Variants in CSMD3 observed in about 807,000 individuals in gnomAD.
CSMD3 encodes CUB and Sushi multiple domains 3.
A neutral mutation model predicts 435.2 loss-of-function variants in CSMD3; 177 were observed. The observed-to-expected ratio is 0.41, with a 90% CI of 0.36 to 0.46. CSMD3 has a LOEUF of 0.46. Among genes scored for constraint, CSMD3 ranks in the 20% least tolerant of loss-of-function variants. CSMD3 has a pLI of 0.34. For synonymous variants in CSMD3, 1,656 were observed against 1,520.5 expected (o/e 1.09, Z -2.07); for missense variants, 4,265 against 4,504.6 (o/e 0.95, Z 1.52).
chr8:113,371,488 C>T (rs1260937331), intron 1 of CSMD3, among the ~76,000 whole-genome samples: 1 of 152,052 alleles, frequency 6.6e-6, no homozygotes, highest in East Asian at 1.9e-4. Context: ...TACATTTTTG[C>T]TTGTTCTCTC....
rs542984232 is a variant in CSMD3, at chr8:112,223,291, T to C, written c.*1480A>G. 8 of 368,850 alleles carry C rather than the reference T, an allele frequency of 2.2e-5. No individual in the cohort carries two copies. The East Asian group carries it at 2.6e-4, about 12-fold the overall frequency. 22.8% of individuals were successfully genotyped at this position (368,850 alleles called of 1,614,324 possible). ...AGAAATTCATTAAATGTTGTAGAGA[T>C]AGAGCCAAGCAGCGCTCCCAGGTGC... On this transcript the variant is annotated 3_prime_UTR_variant, in exon 71 of 71. Coordinates refer to ENST00000297405, the MANE Select transcript of CSMD3 (RefSeq NM_198123.2).
chr8:112,379,037 G>A (rs1014153224), intron 38 of CSMD3, among the ~76,000 whole-genome samples: 4 of 151,944 alleles, frequency 2.6e-5, no homozygotes, highest in African/African-American at 9.7e-5. Flanking sequence ...CAAAGAATCA[G>A]TTGTAATTTC....
At chr8:113,074,462 C>T (rs2089259511) in intron 5 of CSMD3, among the ~76,000 whole-genome samples, 1 of 151,820 alleles carries the variant, frequency 6.6e-6, no homozygotes, top group South Asian at 2.1e-4. Flanking sequence ...ACAGACCTTT[C>T]TACCAGGTTT....
rs1429588810 is a variant in CSMD3 at position 113,021,236 on chromosome 8, T to A, written c.918-2057A>T. ...TTAACAAAAATATATAATATAATTGTATAATTTTAGACTCAAGTTTTAAAA... is the reference window on the plus strand; with the variant it reads ...TTAACAAAAATATATAATATAATTGAATAATTTTAGACTCAAGTTTTAAAA... On this transcript the variant is annotated intron_variant, in intron 5 of 70. Transcript: ENST00000297405. Among the ~76,000 whole-genome samples the A allele has an allele frequency of 2.0e-5, 3 of 152,184 alleles. 1 individual carries two copies. The highest frequency in any genetic ancestry group is 4.4e-5 in the Non-Finnish European group (3 of 68,026).
intron 3 of CSMD3, among the ~76,000 whole-genome samples, chr8:113,269,459 C>G (rs531298975): frequency 3.0e-4 from 45 of 152,104 alleles, no homozygotes; most frequent in Non-Finnish European, 5.6e-4. Flanking sequence ...GAAAAAACGA[C>G]ATTACAGTTC....
intron 1 of CSMD3, among the ~76,000 whole-genome samples, chr8:113,334,297 A>ATTTTT (rs2094052880): frequency 1.0e-4 from 13 of 126,270 alleles, no homozygotes; most frequent in African/African-American, 1.3e-4. Flanking sequence ...TTTTTTTTTC[A>ATTTTT]TTTCCAGCCT....
chr8:112,364,765 C>T (rs1038141216), intron 38 of CSMD3, among the ~76,000 whole-genome samples: 1 of 151,796 alleles, frequency 6.6e-6, no homozygotes, highest in African/African-American at 2.4e-5. Flanking sequence ...GATCATTTTC[C>T]CTAGCAATAA....
intron 1 of CSMD3, among the ~76,000 whole-genome samples, chr8:113,329,972 T>G (rs2094014953): frequency 6.6e-6 from 1 of 152,130 alleles, no homozygotes; most frequent in Admixed American, 6.5e-5. Context: ...TGGAAAAGCA[T>G]GATGCAGCAA....
At chr8:112,776,457 A>G (rs1443880831) in intron 13 of CSMD3, among the ~76,000 whole-genome samples, 1 of 151,762 alleles carries the variant, frequency 6.6e-6, no homozygotes. Flanking sequence ...AAAAAGATAT[A>G]ATTTACTTTC....
At chr8:112,842,584 A>G (rs929503557) in intron 11 of CSMD3, among the ~76,000 whole-genome samples, 2 of 151,876 alleles carry the variant, frequency 1.3e-5, no homozygotes, top group African/African-American at 4.8e-5. Flanking sequence ...CTTACTGCAT[A>G]TCTCATATTA....
intron 10 of CSMD3, among the ~76,000 whole-genome samples, chr8:112,860,707 A>AT (rs1313959253): frequency 1.3e-5 from 2 of 151,816 alleles, no homozygotes; most frequent in Non-Finnish European, 3.0e-5. Context: ...TTTGTTTGAA[A>AT]TTCTCTGCCT....
At chr8:112,238,780 T>C (rs1813840680) in intron 66 of CSMD3, among the ~76,000 whole-genome samples, 1 of 151,316 alleles carries the variant, frequency 6.6e-6, no homozygotes, top group Non-Finnish European at 1.5e-5. Flanking sequence ...ATTGCAATTA[T>C]CATAATTTTT....
chr8:112,342,032 T>G (rs149213602), intron 41 of CSMD3, among the ~76,000 whole-genome samples: 2 of 152,302 alleles, frequency 1.3e-5, no homozygotes, highest in African/African-American at 4.8e-5. Flanking sequence ...AGGCCGCTTT[T>G]GGCCTAATTT....
intron 4 of CSMD3, among the ~76,000 whole-genome samples, chr8:113,127,495 G>A (rs1259505775): frequency 2.0e-5 from 3 of 151,830 alleles, no homozygotes; most frequent in African/African-American, 4.8e-5. Flanking sequence ...AAAACCCTCT[G>A]TCTCCTACTT....
chr8:112,774,153 G>A (rs1211654818), intron 13 of CSMD3, among the ~76,000 whole-genome samples: 8 of 151,814 alleles, frequency 5.3e-5, no homozygotes, highest in African/African-American at 9.7e-5. Flanking sequence ...GGTACATGAC[G>A]ACATGCCTAT....
rs923462299 is a variant in CSMD3, at chr8:113,219,400, C to CA, written c.515-45485dup. Among the ~76,000 whole-genome samples the CA allele has an allele frequency of 7.3e-4, 107 of 145,770 alleles. 1 individual carries two copies. The highest frequency in any genetic ancestry group is 1.8e-3 in the African/African-American group (71 of 39,980). On this transcript the variant is annotated intron_variant, in intron 3 of 70. Coordinates refer to ENST00000297405, the MANE Select transcript of CSMD3 (RefSeq NM_198123.2). ...AAATTAGCAAATAGAACACTAAATG[C>CA]AAAAAAAAATACAGGCACAAATGAT...
intron 1 of CSMD3, among the ~76,000 whole-genome samples, chr8:113,390,949 C>T (rs779598506): frequency 6.6e-5 from 10 of 151,982 alleles, no homozygotes; most frequent in Non-Finnish European, 1.2e-4. Context: ...AATATGAAAA[C>T]CTCATATTTG....
At chr8:113,264,720 T>G (rs2093454397) in intron 3 of CSMD3, among the ~76,000 whole-genome samples, 1 of 151,656 alleles carries the variant, frequency 6.6e-6, no homozygotes, top group Non-Finnish European at 1.5e-5. Flanking sequence ...TTTAATTATT[T>G]AAAAAATAAA....
intron 5 of CSMD3, among the ~76,000 whole-genome samples, chr8:113,036,932 T>C (rs1023980438): frequency 6.6e-6 from 1 of 152,090 alleles, no homozygotes. Context: ...ACTATGCATA[T>C]ATTTTGCAGG....
Sources: allele counts gnomAD v4.1 joint callset (sites outside exome capture counted in the v4.1 genomes callset), GRCh38; gene constraint gnomAD v4.1.1; transcripts MANE v1.5; gene names NCBI Gene and HGNC (gene_info 2026-07-23, HGNC 2026-07-21).